The following FAM222A variants were observed in gnomAD, a reference collection of about 807,000 sequenced individuals.
FAM222A encodes the protein protein FAM222A.
A neutral mutation model predicts 25.8 loss-of-function variants in FAM222A; 7 were observed. The observed-to-expected ratio is 0.27, with a 90% CI of 0.15 to 0.51. FAM222A has a LOEUF of 0.51. Among genes scored for constraint, FAM222A ranks in the 20% least tolerant of loss-of-function variants. The pLI is 0.97. For missense variants in FAM222A, 573 were observed against 640.5 expected (o/e 0.89, Z 1.14); for synonymous variants, 294 against 298.8 (o/e 0.98, Z 0.17).
chr12:109,718,714 G>T (rs1189732685), intron 1 of FAM222A, among the ~76,000 whole-genome samples: 3 of 152,160 alleles, frequency 2.0e-5, no homozygotes, highest in African/African-American at 7.2e-5. Flanking sequence ...GGCGCCGCCC[G>T]CCGCCCTGAT....
rs1282648732 is a variant in FAM222A at position 109,713,836 on chromosome 12, A to C, written c.-1108A>C. ...CGCTCGCGCCTGTCAGTCGGGCCAG[A>C]GCGGAGCAGCGGGCAGGACTGCCTG... On this transcript the variant is annotated 5_prime_UTR_variant, in exon 1 of 3. Transcript: ENST00000538780. 2.0e-5 allele frequency among the ~76,000 whole-genome samples: 3 copies of C among 150,166 alleles called. No homozygotes were observed. The highest frequency in any genetic ancestry group is 3.0e-5 in the Non-Finnish European group (2 of 67,352).
In FAM222A at chr12:109,767,933, G is replaced by A. The variant is rs933026432; in HGVS notation, c.83-79G>A. On this transcript the variant is annotated intron_variant, in intron 2 of 2. Coordinates refer to ENST00000538780, the MANE Select transcript of FAM222A (RefSeq NM_032829.3). ...TAAAATGAATGGGAAATGAGTGGAG[G>A]GGGCGGGACTCGTGAGCCCTGTGGG... 1.6e-5 allele frequency: 22 copies of A among 1,357,320 alleles called. No individual in the cohort carries two copies. In the African/African-American group the frequency reaches 3.1e-4, roughly 19 times the overall value. 84.1% of individuals were successfully genotyped at this position (1,357,320 alleles called of 1,614,324 possible).
intron 2 of FAM222A, among the ~76,000 whole-genome samples, chr12:109,749,865 A>G (rs1402410261): frequency 1.3e-5 from 2 of 152,238 alleles, no homozygotes; most frequent in African/African-American, 4.8e-5. Context: ...ATCTGTTAAA[A>G]TGGTAATCGC....
At chr12:109,724,265 G>A (rs1307320494) in intron 1 of FAM222A, among the ~76,000 whole-genome samples, 1 of 152,266 alleles carries the variant, frequency 6.6e-6, no homozygotes, top group African/African-American at 2.4e-5. Flanking sequence ...CTACCTGGCT[G>A]ACACTATGCA....
At chr12:109,751,070 A>G (rs1447052422) in intron 2 of FAM222A, among the ~76,000 whole-genome samples, 1 of 152,116 alleles carries the variant, frequency 6.6e-6, no homozygotes. Flanking sequence ...AGTTAAGCAC[A>G]TATTGGCTAT....
intron 1 of FAM222A, among the ~76,000 whole-genome samples, chr12:109,716,010 G>A (rs1026676483): frequency 3.3e-5 from 5 of 152,208 alleles, no homozygotes; most frequent in South Asian, 4.1e-4. Flanking sequence ...CAGGGGCCTT[G>A]GCCAACCTGG....
chr12:109,739,824 C>G (rs185415071), intron 1 of FAM222A, among the ~76,000 whole-genome samples: 165 of 152,340 alleles, frequency 1.1e-3, no homozygotes, highest in African/African-American at 3.6e-3. Context: ...TGACCTTGCA[C>G]AGATGGCCTT....
chr12:109,768,739 T>C lies in FAM222A; in HGVS notation c.810T>C (p.Ala270=). The change falls in exon 3 of 3, where the codon GCT becomes GCC. Residue 270 remains alanine (A), a synonymous_variant. Coordinates refer to ENST00000538780, the MANE Select transcript of FAM222A (RefSeq NM_032829.3). ...GAGCCACCCAAGCCTTGACGTTGGCTGGGGCCGCCAAGCCTGCAGGGTACG... is the reference window on the plus strand; with the variant it reads ...GAGCCACCCAAGCCTTGACGTTGGCCGGGGCCGCCAAGCCTGCAGGGTACG... ...GQGATQALTL[A]GAAKPAGYAD... 6.3e-7 allele frequency: 1 copy of C among 1,578,498 alleles called. No homozygotes were observed. Among genetic ancestry groups the C allele is most frequent in the Non-Finnish European group, 8.6e-7 (1 of 1,166,630 alleles).
At chr12:109,723,614 G>A (rs998897094) in intron 1 of FAM222A, among the ~76,000 whole-genome samples, 6 of 152,232 alleles carry the variant, frequency 3.9e-5, no homozygotes, top group Non-Finnish European at 7.3e-5. Flanking sequence ...GGGCAGGGAA[G>A]CCCTGCCAAG....
intron 1 of FAM222A, among the ~76,000 whole-genome samples, 178 bp downstream of exon 1, chr12:109,715,075 T>A (rs1007012506): frequency 6.6e-6 from 1 of 151,832 alleles, no homozygotes; most frequent in African/African-American, 2.4e-5. Context: ...CCGATGGGAG[T>A]GGAGGTTGGG....
chr12:109,726,433 C>T (rs1274976816), intron 1 of FAM222A, among the ~76,000 whole-genome samples: 3 of 152,200 alleles, frequency 2.0e-5, no homozygotes, highest in East Asian at 1.9e-4. Context: ...GGCCACAGTC[C>T]CACAGCAGGA....
intron 2 of FAM222A, among the ~76,000 whole-genome samples, chr12:109,764,555 A>G (rs1888988529): frequency 6.6e-6 from 1 of 152,238 alleles, no homozygotes; most frequent in Non-Finnish European, 1.5e-5. Context: ...GTGAGGACAA[A>G]TGAGTTTTCA....
At chr12:109,731,321 C>T (rs1279100212) in intron 1 of FAM222A, among the ~76,000 whole-genome samples, 1 of 152,022 alleles carries the variant, frequency 6.6e-6, no homozygotes, top group African/African-American at 2.4e-5. Flanking sequence ...ACCCCAGGAG[C>T]GGCTGGTCCT....
At chr12:109,748,147 G>A (rs1170809412) in intron 2 of FAM222A, among the ~76,000 whole-genome samples, 3 of 151,998 alleles carry the variant, frequency 2.0e-5, no homozygotes, top group African/African-American at 7.2e-5. Context: ...TTTTCCCATC[G>A]GTGAGTTAAT....
chr12:109,764,181 G>T (rs912169500), intron 2 of FAM222A, among the ~76,000 whole-genome samples: 1 of 132,034 alleles, frequency 7.6e-6, no homozygotes, highest in Non-Finnish European at 1.5e-5. Context: ...AGTGAGCTAC[G>T]ACTGTGCCAC....
intron 1 of FAM222A, among the ~76,000 whole-genome samples, chr12:109,715,871 G>A (rs544941329): frequency 6.6e-6 from 1 of 152,252 alleles, no homozygotes; most frequent in East Asian, 1.9e-4. Flanking sequence ...GTGGGCCTCC[G>A]GCCCTCCAAT....
At chr12:109,731,512 G>A (rs910357401) in intron 1 of FAM222A, among the ~76,000 whole-genome samples, 5 of 152,180 alleles carry the variant, frequency 3.3e-5, no homozygotes, top group African/African-American at 9.7e-5. Flanking sequence ...TCAAGAGAAG[G>A]GCTTCCAGCT....
intron 2 of FAM222A, among the ~76,000 whole-genome samples, chr12:109,748,282 T>C (rs1226760181): frequency 6.6e-6 from 1 of 152,090 alleles, no homozygotes; most frequent in Non-Finnish European, 1.5e-5. Context: ...GAATTTGTTA[T>C]TTAGGATTTT....
intron 2 of FAM222A, among the ~76,000 whole-genome samples, chr12:109,745,691 A>T (rs1888380370): frequency 6.6e-6 from 1 of 152,088 alleles, no homozygotes; most frequent in Non-Finnish European, 1.5e-5. Context: ...TTGTTTAGGG[A>T]TACAAGGTCT....
Sources: gnomAD v4.1 joint callset for allele counts (sites outside exome capture counted in the v4.1 genomes callset) on GRCh38, gnomAD v4.1.1 for gene constraint, MANE v1.5 for transcripts, NCBI Gene and HGNC (gene_info 2026-07-23, HGNC 2026-07-21) for gene names.